RBFOX1: variants seen among roughly 807,000 people sequenced by gnomAD.
RBFOX1 encodes RNA binding protein fox-1 homolog 1.
A neutral mutation model predicts 57.7 loss-of-function variants in RBFOX1; 8 were observed. That is an observed-to-expected ratio of 0.14 (90% CI 0.08 to 0.25). The LOEUF is 0.25. Ranked by LOEUF, RBFOX1 falls within the 10% of genes least tolerant of loss-of-function variation. The pLI is 1.00. For synonymous variants in RBFOX1, 326 were observed against 222.4 expected (o/e 1.47, Z -4.15); for missense variants, 611 against 548.5 (o/e 1.11, Z -1.14).
intron 3 of RBFOX1, among the ~76,000 whole-genome samples, chr16:6,900,388 C>T (rs186520037): frequency 6.6e-6 from 1 of 152,158 alleles, no homozygotes; most frequent in African/African-American, 2.4e-5. Context: ...ATGCTCCCAT[C>T]AAGGAAAAAG....
intron 3 of RBFOX1, among the ~76,000 whole-genome samples, chr16:6,905,840 G>C (rs988775676): frequency 3.3e-5 from 5 of 152,202 alleles, no homozygotes; most frequent in African/African-American, 7.2e-5. Context: ...TAGTGGCTGA[G>C]GGCTGTATGT....
At chr16:7,293,909 C>T (rs1224602955) in intron 4 of RBFOX1, among the ~76,000 whole-genome samples, 2 of 152,090 alleles carry the variant, frequency 1.3e-5, no homozygotes, top group Admixed American at 6.5e-5. Context: ...TGGGAAGGTC[C>T]AGGTCAAGGT....
chr16:7,285,629 T>A (rs1256116031), intron 4 of RBFOX1, among the ~76,000 whole-genome samples: 1 of 151,944 alleles, frequency 6.6e-6, no homozygotes, highest in East Asian at 1.9e-4. Flanking sequence ...TGGACCCATA[T>A]AGTACCTGAC....
chr16:5,515,998 C>A (rs66704703), intron 2 of RBFOX1, among the ~76,000 whole-genome samples: 9,120 of 152,206 alleles, frequency 0.06, 418 homozygotes, highest in Middle Eastern at 0.13. Flanking sequence ...TATTTGAGCC[C>A]AGGAGCTTAG....
At chr16:5,310,361 A>G (rs36020741) in intron 1 of RBFOX1, among the ~76,000 whole-genome samples, 15,724 of 152,088 alleles carry the variant, frequency 0.1, 856 homozygotes, top group Middle Eastern at 0.15. Context: ...AGATCATGCC[A>G]CTGTACTCCA....
chr16:7,510,130 A>C (rs1740699803), intron 4 of RBFOX1: 1 of 985,672 alleles, frequency 1.0e-6, no homozygotes, highest in African/African-American at 1.7e-5. Context: ...TCAGATGTTG[A>C]GGGGGAGGTC....
At chr16:7,542,430 C>T (rs17144054) in intron 5 of RBFOX1, among the ~76,000 whole-genome samples, 7,651 of 151,508 alleles carry the variant, frequency 0.05, 346 homozygotes, top group East Asian at 0.22. Flanking sequence ...TTTACCCAAA[C>T]GGGTGCAAGT....
intron 1 of RBFOX1, among the ~76,000 whole-genome samples, chr16:6,292,813 A>C (rs1235764386): frequency 6.6e-6 from 1 of 152,188 alleles, no homozygotes; most frequent in Non-Finnish European, 1.5e-5. Context: ...AGTTAACTGA[A>C]ACTCAGCCTG....
intron 2 of RBFOX1, among the ~76,000 whole-genome samples, chr16:6,639,032 C>A (rs1421304393): frequency 2.0e-5 from 3 of 152,322 alleles, no homozygotes; most frequent in African/African-American, 4.8e-5. Context: ...CCAAGGAGAC[C>A]TGTGGCCCCA....
In RBFOX1 at chr16:7,587,233, C is replaced by G. The variant is rs766827645; in HGVS notation, c.415-14C>G. ...TTCTCTTCTTGCTTATAAGATATTT[C>G]TATTTCTTTGCAGCAATTTGGTAAA... On this transcript the variant is annotated splice_polypyrimidine_tract_variant and intron_variant, in intron 6 of 15. Transcript: ENST00000550418. The G allele has an allele frequency of 6.5e-7, 1 of 1,544,062 alleles. No homozygotes were observed. The highest frequency in any genetic ancestry group is 1.3e-5 in the South Asian group (1 of 77,852).
intron 2 of RBFOX1, among the ~76,000 whole-genome samples, chr16:5,578,843 C>CA (rs2046560413): frequency 2.5e-5 from 2 of 79,812 alleles, no homozygotes; most frequent in African/African-American, 7.9e-5. Context: ...ACACACACAC[C>CA]CTTTTTTTTT....
At chr16:6,529,604 T>C (rs1012126062) in intron 2 of RBFOX1, among the ~76,000 whole-genome samples, 2 of 151,816 alleles carry the variant, frequency 1.3e-5, no homozygotes, top group South Asian at 2.1e-4. Flanking sequence ...TTATCCTAAA[T>C]GTAACATTGA....
intron 2 of RBFOX1, among the ~76,000 whole-genome samples, chr16:5,576,452 C>G (rs1319392972): frequency 1.3e-5 from 2 of 152,198 alleles, no homozygotes; most frequent in African/African-American, 4.8e-5. Context: ...TCCCCTCCCA[C>G]CAACCTAAGA....
intron 3 of RBFOX1, among the ~76,000 whole-genome samples, chr16:5,723,225 T>C (rs879675977): frequency 6.6e-6 from 1 of 152,204 alleles, no homozygotes; most frequent in Admixed American, 6.5e-5. Context: ...AGGCAGTAGA[T>C]GGATGACATG....
At chr16:7,680,623 G>A (rs1221196244) in intron 14 of RBFOX1, among the ~76,000 whole-genome samples, 2 of 152,116 alleles carry the variant, frequency 1.3e-5, no homozygotes, top group African/African-American at 4.8e-5. Flanking sequence ...AGAAGCTTTT[G>A]ACATTAATTG....
intron 1 of RBFOX1, among the ~76,000 whole-genome samples, chr16:5,259,374 C>CCTGGAT (rs1555470034): frequency 6.6e-6 from 1 of 152,160 alleles, no homozygotes; most frequent in Non-Finnish European, 1.5e-5. Flanking sequence ...ATGCAGCCAG[C>CCTGGAT]CTGGCTCTGG....
intron 3 of RBFOX1, among the ~76,000 whole-genome samples, chr16:6,699,176 A>G (rs902568571): frequency 1.3e-5 from 2 of 152,104 alleles, no homozygotes; most frequent in Non-Finnish European, 2.9e-5. Flanking sequence ...GTCAGTTTTT[A>G]AACCATTTTT....
At chr16:6,487,144 C>CTGTG (rs60180975) in intron 2 of RBFOX1, among the ~76,000 whole-genome samples, 3,359 of 140,178 alleles carry the variant, frequency 0.024, 77 homozygotes, top group East Asian at 0.087. Context: ...TGTGGGGTTT[C>CTGTG]TGTGTGTGTG....
intron 4 of RBFOX1, among the ~76,000 whole-genome samples, chr16:7,262,247 C>G (rs1364114861): frequency 1.3e-5 from 2 of 151,780 alleles, no homozygotes; most frequent in Non-Finnish European, 2.9e-5. Context: ...GCATAGCCTG[C>G]CATTTTATGG....
Sources: allele counts gnomAD v4.1 joint callset (sites outside exome capture counted in the v4.1 genomes callset), GRCh38; gene constraint gnomAD v4.1.1; transcripts MANE v1.5; gene names NCBI Gene and HGNC (gene_info 2026-07-23, HGNC 2026-07-21).